Variants in ZNF462 observed in about 807,000 individuals in gnomAD.
The protein encoded by ZNF462 is zinc finger PBX1-interacting protein.
In ZNF462, 10 loss-of-function variants were observed where a neutral mutation model predicts 201.9. The observed-to-expected ratio is 0.05, with a 90% CI of 0.03 to 0.08. The LOEUF is 0.08. Among genes scored for constraint, ZNF462 ranks in the 10% least tolerant of loss-of-function variants. The pLI, the probability that ZNF462 is intolerant of heterozygous loss-of-function variation, is 1.00. For synonymous variants in ZNF462, 1,227 were observed against 1,193.3 expected (o/e 1.03, Z -0.58); for missense variants, 2,523 against 3,168.3 (o/e 0.80, Z 4.89).
intron 7 of ZNF462, 121 bp downstream of exon 7, chr9:106,939,228 A>C: frequency 1.8e-6 from 2 of 1,104,504 alleles, no homozygotes; most frequent in Non-Finnish European, 2.5e-6. Flanking sequence ...AAGTGAAGGA[A>C]GAAATATGAA....
At position 107,013,613 on chromosome 9, in the gene ZNF462, TAAAG is replaced by T. The variant is rs1349628601; in HGVS notation, c.*2586_*2589del. On this transcript the variant is annotated 3_prime_UTR_variant, in exon 13 of 13. Transcript: ENST00000277225. ...TTTGTAATGAAATGTGAGAAATTAATAAAGAATTTTTTTCACATGTGTCTATGTG... is the reference window on the plus strand; with the variant it reads ...TTTGTAATGAAATGTGAGAAATTAATAATTTTTTTCACATGTGTCTATGTG... 2 of 152,154 alleles carry T rather than the reference TAAAG, an allele frequency of 1.3e-5. No homozygotes were observed. Among genetic ancestry groups the T allele is most frequent in the East Asian group, 1.9e-4 (1 of 5,204 alleles). The allele number at this position is 152,154 out of a possible 1,614,324, so 9.4% of individuals were successfully genotyped here.
intron 1 of ZNF462, among the ~76,000 whole-genome samples, chr9:106,887,011 A>G (rs1828348640): frequency 6.6e-6 from 1 of 152,180 alleles, no homozygotes; most frequent in Non-Finnish European, 1.5e-5. Context: ...CTTTACCAAA[A>G]CACTTTCTCC....
At position 106,940,153 on chromosome 9, in the gene ZNF462, C is replaced by T. The variant is rs141418037; in HGVS notation, c.6427+1046C>T. ...CTGGGCAATCTTAGCTTCTTGTAGC[C>T]GTATGTAAAATTGTATAGTGATATC... is the stretch of plus-strand genomic sequence containing the variant. On this transcript the variant is annotated intron_variant, in intron 7 of 12. Transcript: ENST00000277225. Among the ~76,000 whole-genome samples the T allele has an allele frequency of 1.5e-4, 23 of 152,120 alleles. No individual in the cohort carries two copies. The South Asian group carries it at 1.7e-3, about 11-fold the overall frequency.
intron 4 of ZNF462, among the ~76,000 whole-genome samples, chr9:106,931,296 C>CATTATGA: frequency 6.6e-6 from 1 of 152,144 alleles, no homozygotes; most frequent in Non-Finnish European, 1.5e-5. Context: ...ATTAGGCCAC[C>CATTATGA]TGTTTTGAAC....
At chr9:106,911,237 A>G (rs1280032669) in intron 1 of ZNF462, among the ~76,000 whole-genome samples, 1 of 152,184 alleles carries the variant, frequency 6.6e-6, no homozygotes, top group Admixed American at 6.5e-5. Flanking sequence ...GTATTTTCTC[A>G]TTAATTGCTA....
chr9:107,006,119 G>T lies in ZNF462; in HGVS notation c.7189+2693G>T, dbSNP rs550739302. Among the ~76,000 whole-genome samples, 9 of 152,128 alleles carry T rather than the reference G, an allele frequency of 5.9e-5. No individual in the cohort carries two copies. Among genetic ancestry groups the T allele is most frequent in the Non-Finnish European group, 1.0e-4 (7 of 67,982 alleles). On this transcript the variant is annotated intron_variant, in intron 11 of 12. Transcript: ENST00000277225. This position sits in a 1 kb window ranked among gnomAD's most constrained non-coding sequence, Gnocchi z 4.3. ...GTCAACTTTGAAGTCGGGTAGGGTGGTGCCTCCAACTTCGTTCTGTTTGTT... is the reference window on the plus strand; with the variant it reads ...GTCAACTTTGAAGTCGGGTAGGGTGTTGCCTCCAACTTCGTTCTGTTTGTT...
rs530521455 is a variant in ZNF462 at position 106,918,739 on chromosome 9, A to AT, written c.-30-4609dup. Among the ~76,000 whole-genome samples the AT allele has an allele frequency of 8.8e-3, 1,342 of 152,280 alleles. 10 individuals are homozygous for AT. Among genetic ancestry groups the AT allele is most frequent in the Non-Finnish European group, 0.015 (988 of 68,022 alleles). On this transcript the variant is annotated intron_variant, in intron 1 of 12. Transcript: ENST00000277225. ...TCAACAATTTCTGATCTGCAAATAC[A>AT]TTTTTTAGAATGATCTTTAGTCTCT...
Position 106,935,566 on chromosome 9 carries a change from C to A in ZNF462, c.6180C>A (p.Ser2060=). The change falls in exon 6 of 13, where the codon TCC becomes TCA. Residue 2060 remains serine, a synonymous_variant. Coordinates refer to ENST00000277225, the MANE Select transcript of ZNF462 (RefSeq NM_021224.6). This position sits in a 1 kb window ranked among gnomAD's most constrained non-coding sequence, Gnocchi z 4.1. The part of the protein sequence containing the change: ...HHKPFRCKLC[S]FKSSYNSRLK... Reference sequence around the variant, plus strand: ...AACCATTCCGATGCAAACTCTGCTCCTTCAAGTCCTCCTATAACAGCCGGC... The same window carrying A: ...AACCATTCCGATGCAAACTCTGCTCATTCAAGTCCTCCTATAACAGCCGGC... 6.2e-7 allele frequency: 1 copy of A among 1,614,140 alleles called. No homozygotes were observed. The highest frequency in any genetic ancestry group is 1.1e-5 in the South Asian group (1 of 91,080).
chr9:106,904,496 T>C (rs1191314405), intron 1 of ZNF462, among the ~76,000 whole-genome samples: 1 of 152,220 alleles, frequency 6.6e-6, no homozygotes, highest in Non-Finnish European at 1.5e-5. Flanking sequence ...GCTGGGGAAG[T>C]TTTCCTCAAT....
chr9:106,957,786 T>C lies in ZNF462; in HGVS notation c.6428-14219T>C, dbSNP rs188420718. 2.4e-4 allele frequency among the ~76,000 whole-genome samples: 36 copies of C among 152,292 alleles called. No individual in the cohort carries two copies. The South Asian group carries it at 6.4e-3, about 27-fold the overall frequency. On this transcript the variant is annotated intron_variant, in intron 7 of 12. Transcript: ENST00000277225. Reference sequence around the variant, plus strand: ...GATCTAGAAATATTTTGGATGTTGCTGAGAGTGTGTATTCAGGAAATAGAG... The same window carrying C: ...GATCTAGAAATATTTTGGATGTTGCCGAGAGTGTGTATTCAGGAAATAGAG...
In ZNF462 at chr9:106,970,988, C is replaced by T. The variant is rs1247265314; in HGVS notation, c.6428-1017C>T. ...CTCAGAATCGCAAACTTTAAAATACCTTTCAGGGAAACTTGTTTGGAATTT... is the reference window on the plus strand; with the variant it reads ...CTCAGAATCGCAAACTTTAAAATACTTTTCAGGGAAACTTGTTTGGAATTT... On this transcript the variant is annotated intron_variant, in intron 7 of 12. Coordinates refer to ENST00000277225, the MANE Select transcript of ZNF462 (RefSeq NM_021224.6). This position sits in a 1 kb window ranked among gnomAD's most constrained non-coding sequence, Gnocchi z 4.2. 6.6e-6 allele frequency among the ~76,000 whole-genome samples: 1 copy of T among 152,028 alleles called. No homozygotes were observed. Among genetic ancestry groups the T allele is most frequent in the Non-Finnish European group, 1.5e-5 (1 of 68,028 alleles).
chr9:107,003,280 T>G lies in ZNF462; in HGVS notation c.7057-14T>G. 6.2e-7 allele frequency: 1 copy of G among 1,613,266 alleles called. No individual in the cohort carries two copies. Among genetic ancestry groups the G allele is most frequent in the Non-Finnish European group, 8.5e-7 (1 of 1,179,568 alleles). On this transcript the variant is annotated splice_polypyrimidine_tract_variant and intron_variant, in intron 10 of 12. Transcript: ENST00000277225. This position sits in a 1 kb window ranked among gnomAD's most constrained non-coding sequence, Gnocchi z 4.4. ...GCGGTTTATTATTCCATCATTTGTT[T>G]GGGCCTTTTTCAGGTAAGCCGTAAC...
chr9:106,912,247 G>A (rs1055653026), intron 1 of ZNF462, among the ~76,000 whole-genome samples: 11 of 99,802 alleles, frequency 1.1e-4, no homozygotes, highest in Non-Finnish European at 1.9e-4. Context: ...ACATTGTTCC[G>A]ACTCCATGAG....
intron 7 of ZNF462, among the ~76,000 whole-genome samples, chr9:106,946,035 A>T (rs1009796216): frequency 6.6e-6 from 1 of 152,222 alleles, no homozygotes; most frequent in Non-Finnish European, 1.5e-5. Context: ...AAAACATTTC[A>T]AGTATAGGCT....
rs191490966 is a variant in ZNF462 at position 106,926,836 on chromosome 9, A to G, written c.2924A>G (p.Gln975Arg). 1 of 1,614,198 alleles carries G rather than the reference A, an allele frequency of 6.2e-7. No homozygotes were observed. Among genetic ancestry groups the G allele is most frequent in the East Asian group, 2.2e-5 (1 of 44,878 alleles). Residue 975 changes from glutamine to arginine, a missense_variant, in exon 3 of 13, where the codon CAG (glutamine) becomes CGG (arginine). This residue lies in a region of ZNF462 where 280 missense variants were observed against 321.3 expected (regional missense o/e 0.87). Transcript: ENST00000277225. The surrounding 1 kb of genome is among the most constrained non-coding windows in gnomAD (Gnocchi z 7.9). ...EQQEGLNTES[Q>R]TLREILNSAP... is the part of the protein sequence containing the mutation. ...CAGGAAGGGCTGAATACAGAATCCCAGACCCTGAGGGAGATTCTGAATTCG... is the reference window on the plus strand; with the variant it reads ...CAGGAAGGGCTGAATACAGAATCCCGGACCCTGAGGGAGATTCTGAATTCG...
chr9:106,937,987 G>C (rs893478769), intron 6 of ZNF462, among the ~76,000 whole-genome samples: 2 of 152,134 alleles, frequency 1.3e-5, no homozygotes, highest in African/African-American at 2.4e-5. Context: ...GTTCTTAAAA[G>C]CAAAATGGCT....
rs1424344270 is a variant in ZNF462, at chr9:107,012,695, A to C, written c.*1665A>C. On this transcript the variant is annotated 3_prime_UTR_variant, in exon 13 of 13. Coordinates refer to ENST00000277225, the MANE Select transcript of ZNF462 (RefSeq NM_021224.6). Reference sequence around the variant, plus strand: ...TGTGTGTGCATGTGTGCACGTGTGAATCCTTTGGTTTTCATGTTTTTTTTT... The same window carrying C: ...TGTGTGTGCATGTGTGCACGTGTGACTCCTTTGGTTTTCATGTTTTTTTTT... The C allele has an allele frequency of 3.1e-5, 4 of 128,112 alleles. No individual in the cohort carries two copies. Among genetic ancestry groups the C allele is most frequent in the African/African-American group, 1.2e-4 (4 of 33,684 alleles). The allele number at this position is 128,112 out of a possible 1,614,324, so 7.9% of individuals were successfully genotyped here.
rs572992699 is a variant in ZNF462, at chr9:106,887,519, C to T, written c.-31+24164C>T. ...CTTATTACAATAAAACTAGAAGGAA[C>T]CTTTGAGGTTATTTTTTTAATGTTA... On this transcript the variant is annotated intron_variant, in intron 1 of 12. Coordinates refer to ENST00000277225, the MANE Select transcript of ZNF462 (RefSeq NM_021224.6). Among the ~76,000 whole-genome samples, 6 of 152,260 alleles carry T rather than the reference C, an allele frequency of 3.9e-5. No individual in the cohort carries two copies. In the South Asian group the frequency reaches 1.0e-3, roughly 26 times the overall value.
chr9:106,910,044 C>G (rs1291762904), intron 1 of ZNF462, among the ~76,000 whole-genome samples: 1 of 152,164 alleles, frequency 6.6e-6, no homozygotes, highest in African/African-American at 2.4e-5. Context: ...TTTTCCTCTG[C>G]ATTTTGTGCA....
Sources: gnomAD v4.1 joint callset for allele counts (sites outside exome capture counted in the v4.1 genomes callset) on GRCh38, gnomAD v4.1.1 for gene constraint, gnomAD v4.1.1 regional missense constraint, Gnocchi (gnomAD v3.1) non-coding constraint, MANE v1.5 for transcripts, NCBI Gene and HGNC (gene_info 2026-07-23, HGNC 2026-07-21) for gene names.